The following GRIP1 variants were observed in gnomAD, a reference collection of about 807,000 sequenced individuals.
GRIP1 encodes glutamate receptor-interacting protein 1.
GRIP1 carries 45 observed loss-of-function variants against 129.9 expected under a neutral mutation model. The ratio of observed to expected loss-of-function variants is 0.35; its 90% confidence interval spans 0.27 to 0.44. The LOEUF (loss-of-function observed/expected upper bound fraction) is 0.44. Among genes scored for constraint, GRIP1 ranks in the 20% least tolerant of loss-of-function variants. The pLI is 1.00. For missense variants in GRIP1, 1,196 were observed against 1,396.8 expected (o/e 0.86, Z 2.29); for synonymous variants, 530 against 520.8 (o/e 1.02, Z -0.24).
intron 1 of GRIP1, among the ~76,000 whole-genome samples, chr12:66,844,119 G>C (rs1012205867): frequency 1.3e-5 from 2 of 152,010 alleles, no homozygotes; most frequent in Non-Finnish European, 2.9e-5. Flanking sequence ...AAATCAACCT[G>C]ATTTTAAATG....
At chr12:66,577,551 A>T (rs1240937306) in intron 2 of GRIP1, among the ~76,000 whole-genome samples, 2 of 152,176 alleles carry the variant, frequency 1.3e-5, no homozygotes, top group South Asian at 2.1e-4. Context: ...TATTGATGAG[A>T]TCCTAAGGCA....
intron 1 of GRIP1, among the ~76,000 whole-genome samples, chr12:66,786,060 G>A (rs1415113231): frequency 6.6e-6 from 1 of 152,180 alleles, no homozygotes; most frequent in Non-Finnish European, 1.5e-5. Context: ...TCTAGCCTGG[G>A]TGACAAAGCA....
chr12:67,044,804 T>C (rs544631616), intron 1 of GRIP1, among the ~76,000 whole-genome samples: 1 of 152,178 alleles, frequency 6.6e-6, no homozygotes, highest in Non-Finnish European at 1.5e-5. Context: ...TGGGTACATG[T>C]TTTTCAATGC....
chr12:66,871,453 C>A (rs2040294822), intron 1 of GRIP1, among the ~76,000 whole-genome samples: 1 of 152,084 alleles, frequency 6.6e-6, no homozygotes, highest in African/African-American at 2.4e-5. Flanking sequence ...GTTTTATGGG[C>A]AGTTTGTGCC....
At chr12:66,565,527 C>A (rs1179626693) in intron 2 of GRIP1, among the ~76,000 whole-genome samples, 2 of 152,092 alleles carry the variant, frequency 1.3e-5, no homozygotes, top group Non-Finnish European at 2.9e-5. Flanking sequence ...GTTACTGTAG[C>A]CTTGTAGTAT....
intron 1 of GRIP1, among the ~76,000 whole-genome samples, chr12:66,876,240 C>G (rs961998919): frequency 6.6e-6 from 1 of 151,954 alleles, no homozygotes; most frequent in African/African-American, 2.4e-5. Context: ...TGAATTTTAT[C>G]TCCAGTATAA....
At chr12:66,704,860 C>T (rs2136369773) in intron 1 of GRIP1, among the ~76,000 whole-genome samples, 1 of 152,208 alleles carries the variant, frequency 6.6e-6, no homozygotes, top group East Asian at 1.9e-4. Context: ...CAAGTCTCAG[C>T]CTGTCTCTGA....
Position 66,399,383 on chromosome 12 carries a change from G to A in GRIP1, c.1985-5031C>T, listed in dbSNP as rs533910044. 3.3e-5 allele frequency among the ~76,000 whole-genome samples: 5 copies of A among 152,032 alleles called. No individual in the cohort carries two copies. The East Asian group carries it at 9.6e-4, about 29-fold the overall frequency. On this transcript the variant is annotated intron_variant, in intron 16 of 24. Transcript: ENST00000359742. ...AAGCACTCCTAGATACACTCTCCTT[G>A]AGGCTGCTCCAGTGTAGAAGTCTTA...
At position 66,420,799 on chromosome 12, in the gene GRIP1, T is replaced by C. The variant is rs771688582; in HGVS notation, c.1769-10A>G. Reference sequence around the variant, plus strand: ...TTTCTACTGGATGGTGCTGTAATAATGGAGATAGAATAATCACATCTTTAT... The same window carrying C: ...TTTCTACTGGATGGTGCTGTAATAACGGAGATAGAATAATCACATCTTTAT... On this transcript the variant is annotated splice_polypyrimidine_tract_variant and intron_variant, in intron 14 of 24. Coordinates refer to ENST00000359742, the MANE Select transcript of GRIP1 (RefSeq NM_001366722.1). 3.3e-5 allele frequency: 49 copies of C among 1,472,054 alleles called. No homozygotes were observed. The Admixed American group carries it at 6.2e-4, about 19-fold the overall frequency. The allele number at this position is 1,472,054 out of a possible 1,614,324, so 91.2% of individuals were successfully genotyped here.
At chr12:66,970,712 A>G (rs12818930) in intron 1 of GRIP1, among the ~76,000 whole-genome samples, 1 of 151,714 alleles carries the variant, frequency 6.6e-6, no homozygotes, top group Non-Finnish European at 1.5e-5. Context: ...GAAACATTCC[A>G]TTTTCTTAGG....
chr12:66,855,822 G>T (rs2039993034), intron 1 of GRIP1, among the ~76,000 whole-genome samples: 1 of 151,948 alleles, frequency 6.6e-6, no homozygotes, highest in African/African-American at 2.4e-5. Context: ...AATCCCATAA[G>T]ATATTCTTTT....
intron 16 of GRIP1, among the ~76,000 whole-genome samples, chr12:66,404,600 A>G (rs1011466111): frequency 6.6e-6 from 1 of 152,224 alleles, no homozygotes; most frequent in Non-Finnish European, 1.5e-5. Flanking sequence ...ATTTATTCCT[A>G]AACCCGTTTA....
intron 1 of GRIP1, among the ~76,000 whole-genome samples, chr12:66,925,316 C>T (rs920929038): frequency 6.6e-6 from 1 of 152,096 alleles, no homozygotes; most frequent in Admixed American, 6.6e-5. Context: ...AAGCAGCATG[C>T]ACTCCCCAAC....
intron 7 of GRIP1, among the ~76,000 whole-genome samples, chr12:66,501,290 C>T (rs1450381445): frequency 6.6e-6 from 1 of 152,066 alleles, no homozygotes; most frequent in African/African-American, 2.4e-5. Context: ...ATACCAAGTA[C>T]TGAAGTTAAT....
In GRIP1 at chr12:66,828,030, A is replaced by G. The variant is rs568447305; in HGVS notation, c.59-231103T>C. Among the ~76,000 whole-genome samples, 6 of 152,240 alleles carry G rather than the reference A, an allele frequency of 3.9e-5. No individual in the cohort carries two copies. In the South Asian group the frequency reaches 1.0e-3, roughly 26 times the overall value. On this transcript the variant is annotated intron_variant, in intron 1 of 1. Transcript: ENST00000643019. ...GGAAGGAGATACACATCACTGTCAAATCCTGGACTTGCCCTAATTTGGGGA... is the reference window on the plus strand; with the variant it reads ...GGAAGGAGATACACATCACTGTCAAGTCCTGGACTTGCCCTAATTTGGGGA...
At chr12:66,967,206 A>C (rs2042011004) in intron 1 of GRIP1, among the ~76,000 whole-genome samples, 1 of 152,132 alleles carries the variant, frequency 6.6e-6, no homozygotes, top group Non-Finnish European at 1.5e-5. Flanking sequence ...TAATAACTGT[A>C]CACATTTATG....
chr12:66,793,991 T>C (rs2136874229), intron 1 of GRIP1, among the ~76,000 whole-genome samples: 1 of 152,272 alleles, frequency 6.6e-6, no homozygotes, highest in East Asian at 1.9e-4. Flanking sequence ...TCAAGCATAA[T>C]AAACTTCGTA....
chr12:66,561,070 A>C (rs1475685632), intron 2 of GRIP1, among the ~76,000 whole-genome samples: 1 of 152,204 alleles, frequency 6.6e-6, no homozygotes, highest in East Asian at 1.9e-4. Context: ...ATGTTAAGTG[A>C]AATAAGCCAG....
chr12:66,454,639 A>G (rs2058902105), intron 11 of GRIP1, among the ~76,000 whole-genome samples: 1 of 152,214 alleles, frequency 6.6e-6, no homozygotes, highest in Non-Finnish European at 1.5e-5. Flanking sequence ...GCTATCCCAA[A>G]GCAAGTAGCC....
Sources: gnomAD v4.1 joint callset for allele counts (sites outside exome capture counted in the v4.1 genomes callset) on GRCh38, gnomAD v4.1.1 for gene constraint, MANE v1.5 for transcripts, NCBI Gene and HGNC (gene_info 2026-07-23, HGNC 2026-07-21) for gene names.